ZHX3: variants seen among roughly 807,000 people sequenced by gnomAD.
The protein encoded by ZHX3 is zinc fingers and homeoboxes protein 3.
A neutral mutation model predicts 64.5 loss-of-function variants in ZHX3; 20 were observed. The ratio of observed to expected loss-of-function variants is 0.31; its 90% confidence interval spans 0.22 to 0.45. ZHX3 has a LOEUF of 0.45. Ranked by LOEUF, ZHX3 falls within the 20% of genes least tolerant of loss-of-function variation. The probability of loss-of-function intolerance (pLI) is 1.00; values close to 1 mark genes in which losing one functional copy is unlikely to be tolerated. For synonymous variants in ZHX3, 423 were observed against 461.6 expected, an observed-to-expected ratio of 0.92 and a Z score of 1.07; for missense variants, 1,041 against 1,195.8, an observed-to-expected ratio of 0.87 and a Z score of 1.91.
chr20:41,205,426 A>C (rs1600769395), intron 2 of ZHX3, among the ~76,000 whole-genome samples: 2 of 152,328 alleles, frequency 1.3e-5, no homozygotes, highest in African/African-American at 4.8e-5. Context: ...AAAAGATCCT[A>C]GTGTAATTCT....
At chr20:41,196,328 ATTT>A (rs1352574786) in intron 3 of ZHX3, among the ~76,000 whole-genome samples, 3 of 109,960 alleles carry the variant, frequency 2.7e-5, no homozygotes, top group African/African-American at 1.0e-4. Flanking sequence ...TAATAAATAT[ATTT>A]TTATTTCATA....
chr20:41,299,195 C>G (rs950488505), intron 1 of ZHX3, among the ~76,000 whole-genome samples: 1 of 152,180 alleles, frequency 6.6e-6, no homozygotes, highest in Admixed American at 6.5e-5. Context: ...ATTACATTTA[C>G]TTGGGCAGTC....
intron 2 of ZHX3, among the ~76,000 whole-genome samples, chr20:41,225,222 G>A (rs1396422586): frequency 6.6e-6 from 1 of 152,154 alleles, no homozygotes; most frequent in Non-Finnish European, 1.5e-5. Flanking sequence ...TCATAGACCT[G>A]ACATGACATT....
At chr20:41,315,237 C>A (rs1214575151) in intron 1 of ZHX3, among the ~76,000 whole-genome samples, 2 of 149,206 alleles carry the variant, frequency 1.3e-5, no homozygotes, top group Non-Finnish European at 3.0e-5. Context: ...GGCTGGAGTG[C>A]GGTGGTGTGA....
In ZHX3 at chr20:41,183,173, A is replaced by ATG. The variant is rs746064131; in HGVS notation, c.*2016_*2017dup. The ATG allele has an allele frequency of 1.6e-4, 23 of 145,884 alleles. No individual in the cohort carries two copies. Among genetic ancestry groups the ATG allele is most frequent in the Middle Eastern group, 3.4e-3 (1 of 290 alleles). The allele number at this position is 145,884 out of a possible 1,614,324, so 9.0% of individuals were successfully genotyped here. A position where few individuals can be genotyped will look rare whatever the true frequency, so the allele number is the denominator to read the frequency against. On this transcript the variant is annotated 3_prime_UTR_variant, in exon 4 of 4. Coordinates refer to ENST00000683867, the MANE Select transcript of ZHX3 (RefSeq NM_001384317.1). The surrounding 1 kb of genome is among the most constrained non-coding windows in gnomAD (Gnocchi z 5.3). Reference sequence around the variant, plus strand: ...AATCAAATGAGTATTTATACTGTATATGTGTGTGTGTATATATATATATAT... The same window carrying ATG: ...AATCAAATGAGTATTTATACTGTATATGTGTGTGTGTGTATATATATATATAT...
At chr20:41,275,444 T>A (rs2043334012) in intron 1 of ZHX3, among the ~76,000 whole-genome samples, 1 of 151,974 alleles carries the variant, frequency 6.6e-6, no homozygotes, top group Non-Finnish European at 1.5e-5. Context: ...GAAAAAAAAA[T>A]AGGCCCAGGC....
intron 2 of ZHX3, among the ~76,000 whole-genome samples, chr20:41,248,923 A>G (rs1458812914): frequency 6.6e-6 from 1 of 152,228 alleles, no homozygotes; most frequent in Non-Finnish European, 1.5e-5. Context: ...ACAAAAGGTC[A>G]GAAAGGTTAG....
rs1482723045 is a variant in ZHX3, at chr20:41,200,043, T to C, written c.2860+2014A>G. Among the ~76,000 whole-genome samples the C allele has an allele frequency of 6.6e-6, 1 of 152,146 alleles. No individual in the cohort carries two copies. Among genetic ancestry groups the C allele is most frequent in the Non-Finnish European group, 1.5e-5 (1 of 68,040 alleles). On this transcript the variant is annotated intron_variant, in intron 3 of 3. Transcript: ENST00000683867. The surrounding 1 kb of genome is among the most constrained non-coding windows in gnomAD (Gnocchi z 4.2). ...AGGACAAAGTTGTTATTGCCTACCC[T>C]GGCACCAACAGTCTGCACCAGGAAC...
At chr20:41,268,811 A>G (rs1197272935) in intron 2 of ZHX3, among the ~76,000 whole-genome samples, 179 bp downstream of exon 2, 1 of 152,220 alleles carries the variant, frequency 6.6e-6, no homozygotes, top group South Asian at 2.1e-4. Context: ...CCAAAAAAGA[A>G]TCATTTGATC....
At chr20:41,273,140 A>G (rs1257982577) in intron 1 of ZHX3, among the ~76,000 whole-genome samples, 19 of 152,188 alleles carry the variant, frequency 1.2e-4, no homozygotes, top group Admixed American at 1.2e-3. Context: ...CCAATGACCC[A>G]GGAAATCTTT....
chr20:41,206,561 A>G (rs1600773498), intron 2 of ZHX3, among the ~76,000 whole-genome samples: 1 of 152,336 alleles, frequency 6.6e-6, no homozygotes, highest in South Asian at 2.1e-4. Flanking sequence ...TCAGTGATTG[A>G]AGATCAAATT....
chr20:41,266,825 G>A (rs1021902657), intron 2 of ZHX3, among the ~76,000 whole-genome samples: 4 of 145,626 alleles, frequency 2.7e-5, no homozygotes, highest in Non-Finnish European at 6.0e-5. Context: ...GATTACAGGC[G>A]TGAGCCACCG....
chr20:41,189,329 T>C (rs1425384187), intron 3 of ZHX3, among the ~76,000 whole-genome samples: 16 of 152,232 alleles, frequency 1.1e-4, no homozygotes, highest in Admixed American at 1.0e-3. Flanking sequence ...TTTAGCTCTT[T>C]CGTGGTTCTG....
At chr20:41,227,415 T>C in intron 2 of ZHX3, among the ~76,000 whole-genome samples, 1 of 152,056 alleles carries the variant, frequency 6.6e-6, no homozygotes, top group East Asian at 1.9e-4. Context: ...AATATAAAAC[T>C]CCAACAACTA....
At chr20:41,268,116 T>C (rs1298155998) in intron 2 of ZHX3, among the ~76,000 whole-genome samples, 5 of 152,116 alleles carry the variant, frequency 3.3e-5, no homozygotes, top group Non-Finnish European at 5.9e-5. Flanking sequence ...GGGCTGGTGG[T>C]CCCCAGGCTT....
chr20:41,220,530 T>C (rs1387604765), intron 2 of ZHX3, among the ~76,000 whole-genome samples: 1 of 152,196 alleles, frequency 6.6e-6, no homozygotes, highest in Non-Finnish European at 1.5e-5. Flanking sequence ...CTTAGATTTT[T>C]TTCTTAGGAG....
At chr20:41,208,615 G>A (rs1325877711) in intron 2 of ZHX3, among the ~76,000 whole-genome samples, 1 of 152,142 alleles carries the variant, frequency 6.6e-6, no homozygotes, top group African/African-American at 2.4e-5. Context: ...AATAGATGCA[G>A]AAAAGGCCTT....
At chr20:41,209,092 T>C (rs540584385) in intron 2 of ZHX3, among the ~76,000 whole-genome samples, 7 of 152,178 alleles carry the variant, frequency 4.6e-5, no homozygotes, top group African/African-American at 1.4e-4. Context: ...CCATTCACGA[T>C]TGCTTCAAAG....
rs191913616 is a variant in ZHX3, at chr20:41,273,479, A to C, written c.-244-4396T>G. Among the ~76,000 whole-genome samples, 47 of 152,252 alleles carry C rather than the reference A, an allele frequency of 3.1e-4. No homozygotes were observed. The East Asian group carries it at 8.5e-3, about 28-fold the overall frequency. On this transcript the variant is annotated intron_variant, in intron 1 of 3. Coordinates refer to ENST00000683867, the MANE Select transcript of ZHX3 (RefSeq NM_001384317.1). ...AGATTTACCCTTATGTTTTCTTCTAAGAGTTTATAGTCTTAACTCTTATAA... is the reference window on the plus strand; with the variant it reads ...AGATTTACCCTTATGTTTTCTTCTACGAGTTTATAGTCTTAACTCTTATAA...
Sources: allele counts gnomAD v4.1 joint callset (sites outside exome capture counted in the v4.1 genomes callset), GRCh38; gene constraint gnomAD v4.1.1; non-coding constraint Gnocchi (gnomAD v3.1); transcripts MANE v1.5; gene names NCBI Gene and HGNC (gene_info 2026-07-23, HGNC 2026-07-21).